The following CNNM1 variants were observed in gnomAD, a reference collection of about 807,000 sequenced individuals.
CNNM1 encodes metal transporter CNNM1.
In CNNM1, 44 loss-of-function variants were observed where a neutral mutation model predicts 78.8. That is an observed-to-expected ratio of 0.56 (90% confidence interval 0.44 to 0.72). CNNM1 has a LOEUF of 0.72. Among genes scored for constraint, CNNM1 ranks in the 30% least tolerant of loss-of-function variants. The probability of loss-of-function intolerance (pLI) is 0.00; values close to 1 mark genes in which losing one functional copy is unlikely to be tolerated. For synonymous variants in CNNM1, 584 were observed against 581.5 expected (o/e 1.00, Z -0.06); for missense variants, 1,101 against 1,292.2 (o/e 0.85, Z 2.27).
intron 1 of CNNM1, 21 bp downstream of exon 1, chr10:99,330,981 T>TC: frequency 6.3e-7 from 1 of 1,584,946 alleles, no homozygotes. Flanking sequence ...GTCTATCTTC[T>TC]CCCCCAACTC....
At position 99,337,686 on chromosome 10, in the gene CNNM1, C is replaced by T. The variant is rs142401664; in HGVS notation, c.1573+6726C>T. 4.6e-5 allele frequency among the ~76,000 whole-genome samples: 7 copies of T among 152,300 alleles called. No homozygotes were observed. The East Asian group carries it at 1.3e-3, about 29-fold the overall frequency. ...GTGTTTGTTTATAAGTGCCTCCCAC[C>T]CATATAATGAGCATCTCCAGGGCAA... On this transcript the variant is annotated intron_variant, in intron 1 of 10. Coordinates refer to ENST00000356713, the MANE Select transcript of CNNM1 (RefSeq NM_020348.3).
intron 6 of CNNM1, among the ~76,000 whole-genome samples, chr10:99,371,271 A>T (rs2031793636): frequency 6.6e-6 from 1 of 152,208 alleles, no homozygotes; most frequent in African/African-American, 2.4e-5. Context: ...AGTGGTTCAC[A>T]GATTACCTCC....
chr10:99,348,478 C>T (rs1339493769), intron 1 of CNNM1, among the ~76,000 whole-genome samples: 1 of 152,032 alleles, frequency 6.6e-6, no homozygotes, highest in African/African-American at 2.4e-5. Flanking sequence ...GAAGAGTGCT[C>T]GGCATGTAGC....
chr10:99,381,635 G>A (rs544795565), intron 7 of CNNM1, among the ~76,000 whole-genome samples: 22 of 150,526 alleles, frequency 1.5e-4, no homozygotes, highest in African/African-American at 5.1e-4. Context: ...CCAGCTACTC[G>A]GGAGGCTGAG....
intron 9 of CNNM1, 61 bp downstream of exon 9, chr10:99,388,362 T>C: frequency 1.9e-6 from 3 of 1,561,966 alleles, no homozygotes; most frequent in Non-Finnish European, 1.7e-6. Context: ...GGCACTGGGA[T>C]GGCCCAGGGA....
chr10:99,363,740 C>CTTTTTTTT (rs869281521), intron 4 of CNNM1, among the ~76,000 whole-genome samples: 2 of 121,924 alleles, frequency 1.6e-5, no homozygotes, highest in Non-Finnish European at 3.4e-5. Context: ...TAGATTTTAT[C>CTTTTTTTT]TTTTTTTTTT....
intron 7 of CNNM1, among the ~76,000 whole-genome samples, chr10:99,378,625 T>C (rs1462627757): frequency 6.6e-6 from 1 of 152,144 alleles, no homozygotes; most frequent in Non-Finnish European, 1.5e-5. Flanking sequence ...ACAATAACTA[T>C]TTTTTTGCAG....
chr10:99,372,859 A>T (rs1261138172), intron 6 of CNNM1, among the ~76,000 whole-genome samples: 3 of 152,138 alleles, frequency 2.0e-5, no homozygotes, highest in African/African-American at 7.2e-5. Context: ...TCTTTTAAAA[A>T]TTGCTTTTAT....
intron 6 of CNNM1, among the ~76,000 whole-genome samples, chr10:99,373,564 CTT>C (rs2031871685): frequency 6.6e-6 from 1 of 152,208 alleles, no homozygotes; most frequent in East Asian, 1.9e-4. Flanking sequence ...TTTGCTTTCT[CTT>C]TTCTTCTTTT....
At chr10:99,346,554 T>C (rs2030703995) in intron 1 of CNNM1, among the ~76,000 whole-genome samples, 1 of 152,236 alleles carries the variant, frequency 6.6e-6, no homozygotes. Context: ...ATTCCCTCGA[T>C]TATTTCATTC....
At chr10:99,366,232 G>A (rs949123539) in intron 6 of CNNM1, among the ~76,000 whole-genome samples, 2 of 152,140 alleles carry the variant, frequency 1.3e-5, no homozygotes, top group African/African-American at 4.8e-5. Flanking sequence ...GGTTGATGAA[G>A]GAAGCATTAG....
chr10:99,360,063 T>C (rs1564949423), intron 2 of CNNM1, among the ~76,000 whole-genome samples: 1 of 152,218 alleles, frequency 6.6e-6, no homozygotes, highest in East Asian at 1.9e-4. Flanking sequence ...ATACATAGGC[T>C]CTTGGGAGGT....
chr10:99,343,253 G>A (rs1430564174), intron 1 of CNNM1, among the ~76,000 whole-genome samples: 3 of 152,094 alleles, frequency 2.0e-5, no homozygotes, highest in East Asian at 1.9e-4. Context: ...ATGAGCCACC[G>A]TGACCGCCCG....
chr10:99,377,015 CAT>C, intron 6 of CNNM1, 38 bp from the exon 7 acceptor site: 2 of 1,518,764 alleles, frequency 1.3e-6, no homozygotes, highest in Non-Finnish European at 1.8e-6. Context: ...CCTCCCCACC[CAT>C]CCCTCCTTGT....
intron 10 of CNNM1, 83 bp downstream of exon 10, chr10:99,390,490 G>T (rs2032442315): frequency 9.7e-7 from 1 of 1,032,840 alleles, no homozygotes; most frequent in Admixed American, 2.0e-5. Context: ...TCCTCTTGGG[G>T]GAGGAGCCAT....
At chr10:99,362,161 G>A in intron 3 of CNNM1, 66 bp from the exon 4 acceptor site, 2 of 1,451,192 alleles carry the variant, frequency 1.4e-6, no homozygotes, top group African/African-American at 1.4e-5. Context: ...CCTCCCAGCT[G>A]CCACTGCTGG....
chr10:99,358,763 C>A lies in CNNM1; in HGVS notation c.1717+1108C>A, dbSNP rs11190072. On this transcript the variant is annotated intron_variant, in intron 2 of 10. Coordinates refer to ENST00000356713, the MANE Select transcript of CNNM1 (RefSeq NM_020348.3). ...GCTCGGAAATGTCCTCTCCCTCCCC[C>A]ACCTCTGCCTGCCACTCTTGATTTA... is the stretch of plus-strand genomic sequence containing the variant. Among the ~76,000 whole-genome samples, 6 of 152,040 alleles carry A rather than the reference C, an allele frequency of 3.9e-5. No homozygotes were observed. In the South Asian group the frequency reaches 6.2e-4, roughly 16 times the overall value.
chr10:99,370,733 AT>A (rs999059983), intron 6 of CNNM1, among the ~76,000 whole-genome samples: 1 of 152,050 alleles, frequency 6.6e-6, no homozygotes, highest in African/African-American at 2.4e-5. Flanking sequence ...GTACCTAAAA[AT>A]TTTTTTTACT....
At chr10:99,360,746 G>A in intron 2 of CNNM1, 89 bp from the exon 3 acceptor site, 1 of 1,486,094 alleles carries the variant, frequency 6.7e-7, no homozygotes, top group East Asian at 2.3e-5. Context: ...CTGCAGAAAT[G>A]TTCTATCTGT....
Sources: allele counts gnomAD v4.1 joint callset (sites outside exome capture counted in the v4.1 genomes callset), GRCh38; gene constraint gnomAD v4.1.1; transcripts MANE v1.5; gene names NCBI Gene and HGNC (gene_info 2026-07-23, HGNC 2026-07-21).